SDK2: variants seen among roughly 807,000 people sequenced by gnomAD.
The protein encoded by SDK2 is sidekick cell adhesion molecule 2.
SDK2 carries 105 observed loss-of-function variants against 253.9 expected under a neutral mutation model. The observed-to-expected ratio is 0.41, with a 90% CI of 0.35 to 0.49. SDK2 has a LOEUF of 0.49. SDK2 is among the 20% of genes least tolerant of loss of function. The probability of loss-of-function intolerance (pLI) is 0.06; values close to 1 mark genes in which losing one functional copy is unlikely to be tolerated. For missense variants in SDK2, 2,608 were observed against 3,003.0 expected, an observed-to-expected ratio of 0.87 and a Z score of 3.07; for synonymous variants, 1,249 against 1,234.9, an observed-to-expected ratio of 1.01 and a Z score of -0.24.
At chr17:73,491,420 T>C (rs1404823331) in intron 2 of SDK2, among the ~76,000 whole-genome samples, 1 of 149,640 alleles carries the variant, frequency 6.7e-6, no homozygotes, top group Non-Finnish European at 1.5e-5. Flanking sequence ...TCACCCAGGC[T>C]GGAGTACAGT....
At chr17:73,356,932 G>T (rs550721552) in intron 40 of SDK2, among the ~76,000 whole-genome samples, 5 of 152,362 alleles carry the variant, frequency 3.3e-5, no homozygotes, top group Admixed American at 2.0e-4. Context: ...ACATTCCACA[G>T]CCTGGCACCC....
At chr17:73,478,788 G>A (rs1208397542) in intron 2 of SDK2, among the ~76,000 whole-genome samples, 3 of 152,150 alleles carry the variant, frequency 2.0e-5, no homozygotes, top group Non-Finnish European at 2.9e-5. Flanking sequence ...TCAATTCCAC[G>A]AAGCTGTCAG....
At chr17:73,450,557 G>A (rs1324798011) in intron 4 of SDK2, among the ~76,000 whole-genome samples, 3 of 152,158 alleles carry the variant, frequency 2.0e-5, no homozygotes, top group Non-Finnish European at 4.4e-5. Context: ...GGCACAGCTT[G>A]GCCCACGTTC....
chr17:73,344,065 G>A (rs931142518), intron 44 of SDK2, among the ~76,000 whole-genome samples: 38 of 152,158 alleles, frequency 2.5e-4, no homozygotes, highest in Non-Finnish European at 1.8e-4. Context: ...CTCTCTGCAG[G>A]GGCTGCAGCC....
chr17:73,469,659 G>A (rs930342679), intron 3 of SDK2, among the ~76,000 whole-genome samples: 3 of 152,194 alleles, frequency 2.0e-5, no homozygotes, highest in African/African-American at 7.2e-5. Context: ...CTGGCCTGGT[G>A]TGGAGGGAGT....
intron 18 of SDK2, among the ~76,000 whole-genome samples, chr17:73,412,084 GTA>G (rs2063140189): frequency 2.6e-5 from 3 of 114,560 alleles, no homozygotes; most frequent in African/African-American, 3.6e-5. Flanking sequence ...ATATGTATAT[GTA>G]TATATACGTA....
intron 2 of SDK2, among the ~76,000 whole-genome samples, chr17:73,486,773 G>C (rs540043966): frequency 6.6e-6 from 1 of 152,248 alleles, no homozygotes; most frequent in Admixed American, 6.5e-5. Context: ...GACAGGAAGT[G>C]GGAGAAATCA....
At chr17:73,505,371 T>C (rs1250488574) in intron 2 of SDK2, among the ~76,000 whole-genome samples, 1 of 152,216 alleles carries the variant, frequency 6.6e-6, no homozygotes, top group Non-Finnish European at 1.5e-5. Flanking sequence ...AAACTACTCA[T>C]AGGATTGTGG....
At chr17:73,408,725 GGAGAGAGAAAGAGAGAGA>G (rs2063101814) in intron 18 of SDK2, among the ~76,000 whole-genome samples, 1 of 151,968 alleles carries the variant, frequency 6.6e-6, no homozygotes, top group African/African-American at 2.4e-5. Context: ...AAAGAGAAAG[GGAGAGAGAAAGAGAGAGA>G]GAGAAAGAAT....
intron 5 of SDK2, among the ~76,000 whole-genome samples, chr17:73,446,367 G>A (rs993968561): frequency 3.3e-5 from 5 of 152,166 alleles, no homozygotes; most frequent in African/African-American, 9.7e-5. Flanking sequence ...CAACCCTGAC[G>A]GTCAGTCTCC....
At chr17:73,373,062 ACT>A (rs1222464087) in intron 36 of SDK2, among the ~76,000 whole-genome samples, 1 of 151,878 alleles carries the variant, frequency 6.6e-6, no homozygotes, top group Non-Finnish European at 1.5e-5. Flanking sequence ...CCGCTGTTCT[ACT>A]CTCTGTTCCT....
At chr17:73,448,822 G>A (rs537941811) in intron 4 of SDK2, among the ~76,000 whole-genome samples, 4 of 151,900 alleles carry the variant, frequency 2.6e-5, no homozygotes, top group East Asian at 1.9e-4. Flanking sequence ...CACCACACCC[G>A]GCTAATTCTT....
In SDK2 at chr17:73,496,048, A is replaced by T. The variant is rs1238362963; in HGVS notation, c.224+11390T>A. 6.6e-6 allele frequency among the ~76,000 whole-genome samples: 1 copy of T among 152,150 alleles called. No individual in the cohort carries two copies. Among genetic ancestry groups the T allele is most frequent in the Non-Finnish European group, 1.5e-5 (1 of 68,034 alleles). On this transcript the variant is annotated intron_variant, in intron 2 of 44. Transcript: ENST00000392650. This position sits in a 1 kb window ranked among gnomAD's most constrained non-coding sequence, Gnocchi z 4.7. ...AGGCAGATAGGATCTAGCCTCATTG[A>T]GGAAAAGGAACCTGGACTTCCCGGG... is the stretch of plus-strand genomic sequence containing the variant.
intron 1 of SDK2, among the ~76,000 whole-genome samples, chr17:73,599,786 C>T (rs1447509852): frequency 1.3e-5 from 2 of 152,184 alleles, no homozygotes; most frequent in African/African-American, 4.8e-5. Context: ...CAGTCCTTGC[C>T]AGGCCCAACC....
At chr17:73,479,816 A>G (rs1226547010) in intron 2 of SDK2, among the ~76,000 whole-genome samples, 1 of 152,064 alleles carries the variant, frequency 6.6e-6, no homozygotes, top group Non-Finnish European at 1.5e-5. Flanking sequence ...TCAGCCTCCC[A>G]AGTAGCTGGG....
At chr17:73,450,718 G>C (rs1436372423) in intron 4 of SDK2, among the ~76,000 whole-genome samples, 2 of 152,216 alleles carry the variant, frequency 1.3e-5, no homozygotes, top group Non-Finnish European at 2.9e-5. Context: ...AACCAGGGTT[G>C]ACTTTGCCCT....
chr17:73,535,195 C>T (rs941144636), intron 1 of SDK2, among the ~76,000 whole-genome samples: 10 of 152,314 alleles, frequency 6.6e-5, no homozygotes, highest in Admixed American at 5.2e-4. Flanking sequence ...TGTGAATAGG[C>T]TGCGTACATT....
chr17:73,611,281 T>G (rs1027297820), intron 1 of SDK2, among the ~76,000 whole-genome samples: 2 of 152,188 alleles, frequency 1.3e-5, no homozygotes, highest in Admixed American at 6.5e-5. Context: ...AAGTTCAGCC[T>G]CTGGCTCTGT....
chr17:73,565,336 G>A (rs2045296620), intron 1 of SDK2, among the ~76,000 whole-genome samples: 1 of 152,190 alleles, frequency 6.6e-6, no homozygotes, highest in Non-Finnish European at 1.5e-5. Context: ...AGAGATTTCT[G>A]CTACTGTCAA....
Sources: gnomAD v4.1 joint callset for allele counts (sites outside exome capture counted in the v4.1 genomes callset) on GRCh38, gnomAD v4.1.1 for gene constraint, Gnocchi (gnomAD v3.1) non-coding constraint, MANE v1.5 for transcripts, NCBI Gene and HGNC (gene_info 2026-07-23, HGNC 2026-07-21) for gene names.